The following RGS22 variants were observed in gnomAD, a reference collection of about 807,000 sequenced individuals.
The protein encoded by RGS22 is regulator of G-protein signaling 22.
Under a neutral mutation model 172.9 loss-of-function variants are expected in RGS22, and 148 were observed. That is an observed-to-expected ratio of 0.86 (90% CI 0.75 to 0.98). RGS22 has a LOEUF of 0.98. Ranked by LOEUF, RGS22 falls within the 50% of genes least tolerant of loss-of-function variation. RGS22 has a pLI of 0.00. For synonymous variants in RGS22, 458 were observed against 480.2 expected (o/e 0.95, Z 0.60); for missense variants, 1,347 against 1,440.8 (o/e 0.93, Z 1.05).
At chr8:99,991,328 G>A (rs1043648853) in intron 20 of RGS22, among the ~76,000 whole-genome samples, 6 of 152,272 alleles carry the variant, frequency 3.9e-5, no homozygotes, top group East Asian at 1.9e-4. Flanking sequence ...TGAGCTAAAG[G>A]AGGATGTTGG....
rs1814392536 is a variant in RGS22 at position 99,996,445 on chromosome 8, T to A, written c.3018+17A>T. 1 of 1,600,732 alleles carries A rather than the reference T, an allele frequency of 6.2e-7. No homozygotes were observed. The highest frequency in any genetic ancestry group is 8.6e-7 in the Non-Finnish European group (1 of 1,168,612). ...AGCAAAACTTACAAGAGGAAGAATA[T>A]AACAAACATTACTTGCCTTCCAGAC... On this transcript the variant is annotated intron_variant, in intron 20 of 27. Coordinates refer to ENST00000360863, the MANE Select transcript of RGS22 (RefSeq NM_015668.5).
rs1239286846 is a variant in RGS22 at position 100,052,921 on chromosome 8, G to T, written c.1570C>A (p.Leu524Met). The T allele has an allele frequency of 6.2e-7, 1 of 1,614,030 alleles. No homozygotes were observed. Among genetic ancestry groups the T allele is most frequent in the East Asian group, 2.2e-5 (1 of 44,844 alleles). ...GCTTGACGGAGGTGCCAGAATTTCAGTTCAGCACTAGCATATTTTGTTGAG... is the reference window on the plus strand; with the variant it reads ...GCTTGACGGAGGTGCCAGAATTTCATTTCAGCACTAGCATATTTTGTTGAG... ...SASTKYASAE[L>M]KFWHLRQAKP... The change falls in exon 10 of 28, where the codon CTG becomes ATG. Residue 524 changes from leucine to methionine, a missense_variant. By Grantham distance (15) the Leu-to-Met change is conservative. Coordinates refer to ENST00000360863, the MANE Select transcript of RGS22 (RefSeq NM_015668.5).
At chr8:100,014,428 T>G (rs942094304) in intron 14 of RGS22, among the ~76,000 whole-genome samples, 2 of 152,190 alleles carry the variant, frequency 1.3e-5, no homozygotes, top group Admixed American at 1.3e-4. Flanking sequence ...TAGTCACTCC[T>G]CAATCTATGG....
chr8:100,094,399 A>C (rs1040217152), intron 2 of RGS22, among the ~76,000 whole-genome samples: 2 of 152,220 alleles, frequency 1.3e-5, no homozygotes, highest in Non-Finnish European at 2.9e-5. Flanking sequence ...CCAATTTTTA[A>C]AAATTTATTG....
At chr8:100,013,980 G>C (rs528224379) in intron 14 of RGS22, among the ~76,000 whole-genome samples, 38 of 151,978 alleles carry the variant, frequency 2.5e-4, no homozygotes, top group African/African-American at 8.4e-4. Flanking sequence ...TTACATTTTT[G>C]CTTATTTCTA....
At chr8:99,965,246 T>A in intron 24 of RGS22, 89 bp downstream of exon 24, 1 of 813,948 alleles carries the variant, frequency 1.2e-6, no homozygotes, top group Non-Finnish European at 2.1e-6. Flanking sequence ...ACAAACACAT[T>A]TCTAGTACTG....
intron 3 of RGS22, among the ~76,000 whole-genome samples, chr8:100,082,534 A>C (rs1811843304): frequency 2.0e-5 from 3 of 152,212 alleles, no homozygotes; most frequent in African/African-American, 7.2e-5. Flanking sequence ...CGTGATGGAC[A>C]CTTTAAAAGC....
chr8:100,049,909 C>T (rs886243938), intron 10 of RGS22, among the ~76,000 whole-genome samples: 18 of 151,948 alleles, frequency 1.2e-4, no homozygotes, highest in African/African-American at 3.9e-4. Flanking sequence ...ATTAGCCAGG[C>T]GTGGTGGTGG....
At chr8:99,993,165 GA>G (rs1382554047) in intron 20 of RGS22, among the ~76,000 whole-genome samples, 2 of 152,046 alleles carry the variant, frequency 1.3e-5, no homozygotes, top group African/African-American at 4.8e-5. Context: ...GAGAAATCAG[GA>G]AAGATCTAAA....
intron 3 of RGS22, chr8:100,080,961 CTT>C (rs1811708569): frequency 6.6e-6 from 1 of 152,170 alleles, no homozygotes; most frequent in African/African-American, 2.4e-5. Context: ...AGTCAGGAGT[CTT>C]GAGTTTGAAT....
intron 19 of RGS22, among the ~76,000 whole-genome samples, chr8:99,998,230 C>A (rs1814601336): frequency 6.6e-6 from 1 of 152,124 alleles, no homozygotes; most frequent in Non-Finnish European, 1.5e-5. Flanking sequence ...TAATAGATAA[C>A]ATTTGAGTGT....
Position 100,080,227 on chromosome 8 carries a change from A to G in RGS22, c.246T>C (p.Tyr82=), listed in dbSNP as rs1379202014. ...CATTCTTTCCTTTCCTTACAACATC[A>G]TAAATGGGATTTCGAGGTTGCTGGT... ...LQNQQPRNPI[Y]DVVRKGKNEV... The change falls in exon 4 of 28, where the codon TAT becomes TAC. Residue 82 remains tyrosine, a synonymous_variant. Transcript: ENST00000360863. 2 of 1,613,760 alleles carry G rather than the reference A, an allele frequency of 1.2e-6. No individual in the cohort carries two copies.
At chr8:100,007,170 T>A (rs1328526539) in intron 15 of RGS22, among the ~76,000 whole-genome samples, 3 of 152,212 alleles carry the variant, frequency 2.0e-5, no homozygotes, top group African/African-American at 4.8e-5. Flanking sequence ...GGTAACTCTA[T>A]CCAAGGTGTT....
At chr8:100,085,256 A>G (rs903953195) in intron 3 of RGS22, among the ~76,000 whole-genome samples, 1 of 152,198 alleles carries the variant, frequency 6.6e-6, no homozygotes, top group Non-Finnish European at 1.5e-5. Context: ...CATTTATTCA[A>G]TAAGTATTTA....
chr8:99,978,020 T>C lies in RGS22; in HGVS notation c.3416A>G (p.Lys1139Arg), dbSNP rs1300808418. Reference sequence around the variant, plus strand: ...CATAATATTTTCATCTGTTAAATTCTTCCTAAACTCACAGAACTGAGGCCA... The same window carrying C: ...CATAATATTTTCATCTGTTAAATTCCTCCTAAACTCACAGAACTGAGGCCA... ...KFWPQFCEFRKNLTDENIMSV... is the reference protein window; with the variant it reads ...KFWPQFCEFRRNLTDENIMSV... The change falls in exon 23 of 28, where the codon AAG becomes AGG. Residue 1139 changes from lysine to arginine, a missense_variant. By Grantham distance (26) the Lys-to-Arg change is conservative. Coordinates refer to ENST00000360863, the MANE Select transcript of RGS22 (RefSeq NM_015668.5). 1 of 1,546,704 alleles carries C rather than the reference T, an allele frequency of 6.5e-7. No individual in the cohort carries two copies. Among genetic ancestry groups the C allele is most frequent in the African/African-American group, 1.4e-5 (1 of 70,402 alleles).
intron 20 of RGS22, among the ~76,000 whole-genome samples, chr8:99,993,065 C>G (rs1813936294): frequency 6.6e-6 from 1 of 152,046 alleles, no homozygotes; most frequent in Non-Finnish European, 1.5e-5. Flanking sequence ...TCTTTGAAAC[C>G]AATGAGAACA....
chr8:100,100,418 T>C (rs1437939371), intron 2 of RGS22, among the ~76,000 whole-genome samples: 2 of 152,046 alleles, frequency 1.3e-5, no homozygotes, highest in Non-Finnish European at 2.9e-5. Flanking sequence ...GCCTCCCAAG[T>C]AGCTGGTACT....
At chr8:100,077,870 A>T (rs1049759542) in intron 4 of RGS22, among the ~76,000 whole-genome samples, 1 of 152,052 alleles carries the variant, frequency 6.6e-6, no homozygotes, top group African/African-American at 2.4e-5. Context: ...CATTTCTATC[A>T]GCTTTTGCAT....
At chr8:100,042,927 G>A (rs1025713427) in intron 11 of RGS22, among the ~76,000 whole-genome samples, 1 of 152,164 alleles carries the variant, frequency 6.6e-6, no homozygotes, top group African/African-American at 2.4e-5. Flanking sequence ...TTCTGAGGAA[G>A]CTTGCTTTCC....
Sources: gnomAD v4.1 joint callset for allele counts (sites outside exome capture counted in the v4.1 genomes callset) on GRCh38, gnomAD v4.1.1 for gene constraint, MANE v1.5 for transcripts, NCBI Gene and HGNC (gene_info 2026-07-23, HGNC 2026-07-21) for gene names.